MCM4: variants seen among roughly 807,000 people sequenced by gnomAD.
MCM4 encodes the protein DNA replication licensing factor MCM4.
In MCM4, 60 loss-of-function variants were observed where a neutral mutation model predicts 88.7. That is an observed-to-expected ratio of 0.68 (90% CI 0.55 to 0.84). The LOEUF (loss-of-function observed/expected upper bound fraction) is 0.84, where lower values mean the gene tolerates loss of function less well. Ranked by LOEUF, MCM4 falls within the 40% of genes least tolerant of loss-of-function variation. MCM4 has a pLI of 0.00. For synonymous variants in MCM4, 465 were observed against 410.5 expected (o/e 1.13, Z -1.61); for missense variants, 1,149 against 1,105.5 (o/e 1.04, Z -0.56).
Position 47,963,002 on chromosome 8 carries a change from G to T in MCM4, c.655G>T (p.Asp219Tyr). The change falls in exon 7 of 17, where the codon GAC (aspartate) becomes TAC (tyrosine). Residue 219 changes from aspartate (D) to tyrosine (Y), a missense_variant. Physicochemically the swap from Asp to Tyr is radical, Grantham distance 160. This residue lies in a region of MCM4 where 906 missense variants were observed against 843.0 expected (regional missense o/e 1.07). Transcript: ENST00000649973. ...GAACTGTGAACACATCAAATCATTT[G>T]ACAAAAATTTGTACAGACAACTCAT... ...NVNCEHIKSF[D>Y]KNLYRQLISY... The T allele has an allele frequency of 6.2e-7, 1 of 1,606,422 alleles. No homozygotes were observed. Among genetic ancestry groups the T allele is most frequent in the South Asian group, 1.1e-5 (1 of 88,956 alleles).
At chr8:47,967,600 C>T (rs2090912183) in intron 10 of MCM4, 115 bp downstream of exon 10, 5 of 1,365,942 alleles carry the variant, frequency 3.7e-6, no homozygotes, top group Admixed American at 3.6e-5. Context: ...GTTGTCACTG[C>T]TTGTCTTTGA....
intron 16 of MCM4, among the ~76,000 whole-genome samples, chr8:47,976,265 C>G (rs1216142772): frequency 6.6e-6 from 1 of 151,028 alleles, no homozygotes; most frequent in Non-Finnish European, 1.5e-5. Flanking sequence ...TGCTCTCCAG[C>G]CTGGGCACCA....
Position 47,961,504 on chromosome 8 carries a change from G to A in MCM4, c.71-12G>A. On this transcript the variant is annotated splice_polypyrimidine_tract_variant and intron_variant, in intron 2 of 16. Coordinates refer to ENST00000649973, the MANE Select transcript of MCM4 (RefSeq NM_182746.3). ...AGTTAATGGCTGTCTTTTCTGTTTT[G>A]TGTGACACAAGCTCGGAGTGAGGAT... 1.9e-6 allele frequency: 3 copies of A among 1,613,720 alleles called. No individual in the cohort carries two copies. The highest frequency in any genetic ancestry group is 2.5e-6 in the Non-Finnish European group (3 of 1,180,040).
Position 47,962,289 on chromosome 8 carries a change from A to T in MCM4, c.400-16A>T. The T allele has an allele frequency of 6.2e-7, 1 of 1,614,140 alleles. No homozygotes were observed. Among genetic ancestry groups the T allele is most frequent in the South Asian group, 1.1e-5 (1 of 91,074 alleles). The stretch of plus-strand genomic sequence containing the variant: ...GTAACTCTGTTTTCATGATTCTGTC[A>T]TGTTTTTCTGTGTAGGCAGCAGCAG... On this transcript the variant is annotated splice_polypyrimidine_tract_variant and intron_variant, in intron 4 of 16. Coordinates refer to ENST00000649973, the MANE Select transcript of MCM4 (RefSeq NM_182746.3).
chr8:47,962,932 T>A lies in MCM4; in HGVS notation c.598-13T>A. On this transcript the variant is annotated splice_polypyrimidine_tract_variant and intron_variant, in intron 6 of 16. Transcript: ENST00000649973. Reference sequence around the variant, plus strand: ...AATTAGCAAAATATAACTTGTTCATTTTTATTTTCTAGATTAATGTTATTG... The same window carrying A: ...AATTAGCAAAATATAACTTGTTCATATTTATTTTCTAGATTAATGTTATTG... 1 of 1,580,886 alleles carries A rather than the reference T, an allele frequency of 6.3e-7. No individual in the cohort carries two copies. Among genetic ancestry groups the A allele is most frequent in the Middle Eastern group, 1.7e-4 (1 of 5,902 alleles).
intron 14 of MCM4, among the ~76,000 whole-genome samples, chr8:47,973,316 A>G (rs2090972585): frequency 6.6e-6 from 1 of 151,772 alleles, no homozygotes; most frequent in Admixed American, 6.6e-5. Flanking sequence ...AGCTGGGATT[A>G]CAGGTGCCCA....
chr8:47,970,408 A>C (rs2090941760), intron 11 of MCM4, 103 bp from the exon 12 acceptor site: 1 of 1,407,278 alleles, frequency 7.1e-7, no homozygotes, highest in Non-Finnish European at 9.6e-7. Context: ...GTGATTTCTT[A>C]ATTGTAGTTC....
At position 47,961,023 on chromosome 8, in the gene MCM4, G is replaced by C. The variant is rs1379558710; in HGVS notation, c.-15+9G>C. On this transcript the variant is annotated intron_variant, in intron 1 of 16. Transcript: ENST00000649973. ...GCGGCCGCCTTTCCACGGTAACCGC[G>C]CGCCGGCGGGGAGGGCGTGGCGCGG... 1.1e-5 allele frequency: 12 copies of C among 1,089,914 alleles called. No homozygotes were observed. Among genetic ancestry groups the C allele is most frequent in the Non-Finnish European group, 1.5e-5 (12 of 810,502 alleles). 67.5% of individuals were successfully genotyped at this position (1,089,914 alleles called of 1,614,324 possible).
rs2090837586 is a variant in MCM4, at chr8:47,961,637, G to A, written c.192G>A (p.Ala64=). Residue 64 remains alanine (A), a synonymous_variant, in exon 3 of 17, where the codon GCG becomes GCA. Transcript: ENST00000649973. ...GAGTGGACCTGCAGAGCCCTGCTGC[G>A]CAGGACGTGCTGTTTTCCAGCCCTC... is the stretch of plus-strand genomic sequence containing the variant. The part of the protein sequence containing the change: ...SPGVDLQSPA[A]QDVLFSSPPQ... The A allele has an allele frequency of 1.9e-6, 3 of 1,613,434 alleles. No homozygotes were observed. Among genetic ancestry groups the A allele is most frequent in the Non-Finnish European group, 1.7e-6 (2 of 1,179,548 alleles).
intron 9 of MCM4, among the ~76,000 whole-genome samples, chr8:47,967,001 G>A (rs1040906822): frequency 2.0e-5 from 3 of 152,238 alleles, no homozygotes; most frequent in Non-Finnish European, 4.4e-5. Context: ...CTCCGCAGGA[G>A]CACATGGCCT....
At chr8:47,973,142 TATTA>T (rs1447016857) in intron 14 of MCM4, 78 bp downstream of exon 14, 51 of 1,215,424 alleles carry the variant, frequency 4.2e-5, no homozygotes, top group Middle Eastern at 2.8e-4. Flanking sequence ...TCCTTTAAAA[TATTA>T]ATTATTTTGT....
chr8:47,976,717 T>C lies in MCM4; in HGVS notation c.2531T>C (p.Leu844Pro), dbSNP rs1208915343. ...AITKDMFEEA[L>P]RALADDDFLT... is the part of the protein sequence containing the mutation. ...ACTAAAGATATGTTTGAAGAAGCACTGCGTGCCCTGGCAGATGATGATTTC... is the reference window on the plus strand; with the variant it reads ...ACTAAAGATATGTTTGAAGAAGCACCGCGTGCCCTGGCAGATGATGATTTC... The change falls in exon 17 of 17, where the codon CTG (leucine) becomes CCG (proline). Residue 844 changes from leucine to proline, a missense_variant. This residue lies in a region of MCM4 where 238 missense variants were observed against 241.6 expected (regional missense o/e 0.99). Transcript: ENST00000649973. 3.1e-6 allele frequency: 5 copies of C among 1,613,584 alleles called. No individual in the cohort carries two copies. Among genetic ancestry groups the C allele is most frequent in the Non-Finnish European group, 4.2e-6 (5 of 1,179,586 alleles).
rs770826745 is a variant in MCM4 at position 47,966,333 on chromosome 8, G to A, written c.979G>A (p.Val327Met). The A allele has an allele frequency of 1.2e-6, 2 of 1,613,968 alleles. No homozygotes were observed. The highest frequency in any genetic ancestry group is 2.2e-5 in the South Asian group (2 of 91,084). ...MDRGRIAEPSVCGRCHTTHSM... is the reference protein window; with the variant it reads ...MDRGRIAEPSMCGRCHTTHSM... ...CCGCGGCCGCATTGCAGAGCCCAGT[G>A]TGTGCGGGCGCTGCCACACCACCCA... The change falls in exon 9 of 17, where the codon GTG becomes ATG. Residue 327 changes from valine (V) to methionine (M), a missense_variant. Physicochemically the swap from Val to Met is conservative, Grantham distance 21. This residue lies in a region of MCM4 where 906 missense variants were observed against 843.0 expected (regional missense o/e 1.07). Coordinates refer to ENST00000649973, the MANE Select transcript of MCM4 (RefSeq NM_182746.3).
At position 47,970,042 on chromosome 8, in the gene MCM4, T is replaced by C. The variant is rs755120277; in HGVS notation, c.1419T>C (p.His473=). ...ASALAPSIYE[H]EDIKKGILLQ... ...CCTTGGCTCCAAGCATTTATGAACA[T>C]GAAGATATAAAGAAGGTAACAGTGG... The change falls in exon 11 of 17, where the codon CAT becomes CAC. Residue 473 remains histidine (H), a synonymous_variant. Coordinates refer to ENST00000649973, the MANE Select transcript of MCM4 (RefSeq NM_182746.3). 37 of 1,613,740 alleles carry C rather than the reference T, an allele frequency of 2.3e-5. No individual in the cohort carries two copies. Among genetic ancestry groups the C allele is most frequent in the East Asian group, 2.2e-5 (1 of 44,898 alleles).
chr8:47,967,575 C>T, intron 10 of MCM4, 90 bp downstream of exon 10: 4 of 1,516,840 alleles, frequency 2.6e-6, no homozygotes, highest in Non-Finnish European at 3.6e-6. Flanking sequence ...GGTCACAGGT[C>T]CAGTTCTACC....
rs142732823 is a variant in MCM4 at position 47,966,315 on chromosome 8, C to T, written c.961C>T (p.Arg321Cys). The T allele has an allele frequency of 2.0e-3, 3,246 of 1,614,014 alleles. 11 individuals are homozygous for T. Among genetic ancestry groups the T allele is most frequent in the South Asian group, 2.5e-3 (232 of 91,090 alleles). ...GACCCGGGTGGAGATGGACCGCGGC[C>T]GCATTGCAGAGCCCAGTGTGTGCGG... ...HTTRVEMDRGRIAEPSVCGRC... is the reference protein window; with the variant it reads ...HTTRVEMDRGCIAEPSVCGRC... Residue 321 changes from arginine (R) to cysteine (C), a missense_variant, in exon 9 of 17, where the codon CGC becomes TGC. Transcript: ENST00000649973.
At position 47,961,155 on chromosome 8, in the gene MCM4, C is replaced by A; in HGVS notation, c.11C>A (p.Pro4Gln). 6.4e-7 allele frequency: 1 copy of A among 1,552,468 alleles called. No homozygotes were observed. The highest frequency in any genetic ancestry group is 8.6e-7 in the Non-Finnish European group (1 of 1,159,396). MSS[P>Q]ASTPSRRGSR... ...GGTACTCCGAGCACTATGTCGTCCC[C>A]GGCGTCGACCCCGAGCCGCCGCGGC... The change falls in exon 2 of 17, where the codon CCG becomes CAG. Residue 4 changes from proline (P) to glutamine (Q), a missense_variant. By Grantham distance (76) the Pro-to-Gln change is moderately conservative. This residue lies in a region of MCM4 where 906 missense variants were observed against 843.0 expected (regional missense o/e 1.07). Transcript: ENST00000649973.
chr8:47,971,186 C>G, intron 12 of MCM4, 155 bp from the exon 13 acceptor site: 1 of 814,508 alleles, frequency 1.2e-6, no homozygotes, highest in Non-Finnish European at 1.9e-6. Context: ...CAGGGCTTAT[C>G]CAGGTGAACT....
chr8:47,972,687 G>A (rs2090965959), intron 13 of MCM4, among the ~76,000 whole-genome samples, 170 bp from the exon 14 acceptor site: 2 of 152,166 alleles, frequency 1.3e-5, no homozygotes, highest in African/African-American at 4.8e-5. Context: ...CTCCCAAGTA[G>A]CTGGGATTAC....
Sources: allele counts gnomAD v4.1 joint callset (sites outside exome capture counted in the v4.1 genomes callset), GRCh38; gene constraint gnomAD v4.1.1; regional missense constraint gnomAD v4.1.1; transcripts MANE v1.5; gene names NCBI Gene and HGNC (gene_info 2026-07-23, HGNC 2026-07-21).